Variants in LUC7L3 observed in about 807,000 individuals in gnomAD.
LUC7L3 encodes the protein LUC7 like 3 pre-mRNA splicing factor.
LUC7L3 carries 6 observed loss-of-function variants against 66.8 expected under a neutral mutation model. The ratio of observed to expected loss-of-function variants is 0.09; its 90% CI spans 0.05 to 0.18. The LOEUF (loss-of-function observed/expected upper bound fraction) is 0.18. Among genes scored for constraint, LUC7L3 ranks in the 10% least tolerant of loss-of-function variants. LUC7L3 has a pLI of 1.00. For missense variants in LUC7L3, 341 were observed against 531.1 expected (o/e 0.64, Z 3.52); for synonymous variants, 160 against 174.7 (o/e 0.92, Z 0.66).
chr17:50,737,790 G>A (rs1232539641), intron 2 of LUC7L3, among the ~76,000 whole-genome samples: 1 of 152,186 alleles, frequency 6.6e-6, no homozygotes, highest in Non-Finnish European at 1.5e-5. Flanking sequence ...GACCCCAGGA[G>A]AAGAGAGGGT....
intron 1 of LUC7L3, among the ~76,000 whole-genome samples, chr17:50,720,257 T>A (rs1597877755): frequency 1.3e-5 from 2 of 152,230 alleles, no homozygotes; most frequent in African/African-American, 4.8e-5. Context: ...CGGTATTTTA[T>A]TTAAGTAATT....
intron 1 of LUC7L3, among the ~76,000 whole-genome samples, chr17:50,727,424 C>A (rs539002857): frequency 1.4e-3 from 220 of 152,288 alleles, no homozygotes; most frequent in African/African-American, 5.1e-3. Context: ...CTCTGTTCAA[C>A]AACCAATTTT....
intron 5 of LUC7L3, among the ~76,000 whole-genome samples, chr17:50,743,104 T>G (rs955149172): frequency 6.6e-6 from 1 of 151,744 alleles, no homozygotes; most frequent in Non-Finnish European, 1.5e-5. Flanking sequence ...CTGAAAAGAG[T>G]AGGTGGCTCA....
chr17:50,738,345 C>A, intron 2 of LUC7L3: 1 of 216,552 alleles, frequency 4.6e-6, no homozygotes, highest in South Asian at 5.6e-5. Flanking sequence ...AAATTAGTTG[C>A]TTGCCAAGGA....
intron 6 of LUC7L3, 124 bp from the exon 7 acceptor site, chr17:50,744,528 T>G: frequency 1.2e-6 from 1 of 863,894 alleles, no homozygotes; most frequent in African/African-American, 1.7e-5. Context: ...CCAATATTAC[T>G]GATTTGGGGA....
In LUC7L3 at chr17:50,751,422, G is replaced by A; in HGVS notation, c.*761G>A. On this transcript the variant is annotated 3_prime_UTR_variant, in exon 10 of 10. Transcript: ENST00000505658. ...TCCATGTTTGAATGCTATTGCCTGT[G>A]ATCTTTACGCTTAACTGTTGTGTAT... 7.8e-7 allele frequency: 1 copy of A among 1,287,782 alleles called. No homozygotes were observed. Among genetic ancestry groups the A allele is most frequent in the Middle Eastern group, 2.1e-4 (1 of 4,676 alleles). 79.8% of individuals were successfully genotyped at this position (1,287,782 alleles called of 1,614,324 possible). A position where few individuals can be genotyped will look rare whatever the true frequency, so the allele number is the denominator to read the frequency against.
intron 8 of LUC7L3, 99 bp downstream of exon 8, chr17:50,746,102 C>G (rs986231086): frequency 1.4e-6 from 2 of 1,417,890 alleles, no homozygotes; most frequent in Admixed American, 6.2e-5. Context: ...TTGGGAAGCT[C>G]TTAAGCATCT....
At chr17:50,750,430 C>A in intron 9 of LUC7L3, 71 bp from the exon 10 acceptor site, 1 of 1,449,774 alleles carries the variant, frequency 6.9e-7, no homozygotes, top group Non-Finnish European at 9.4e-7. Context: ...AGTTGTTTCA[C>A]TTTTTTTCAA....
At position 50,752,286 on chromosome 17, in the gene LUC7L3, T is replaced by G; in HGVS notation, c.*1625T>G. The G allele has an allele frequency of 8.8e-7, 1 of 1,137,582 alleles. No individual in the cohort carries two copies. Among genetic ancestry groups the G allele is most frequent in the Non-Finnish European group, 1.2e-6 (1 of 866,884 alleles). 70.5% of individuals were successfully genotyped at this position (1,137,582 alleles called of 1,614,324 possible). ...TAAAAAATGAGGTGAAAGAAAGCTA[T>G]AGTGGCATAGAAAAAGTATAAAGCT... On this transcript the variant is annotated 3_prime_UTR_variant, in exon 10 of 10. Coordinates refer to ENST00000505658, the MANE Select transcript of LUC7L3 (RefSeq NM_016424.5).
intron 1 of LUC7L3, among the ~76,000 whole-genome samples, chr17:50,730,572 T>C (rs564374692): frequency 6.7e-6 from 1 of 148,784 alleles, no homozygotes; most frequent in East Asian, 2.0e-4. Flanking sequence ...ATTGAAAATA[T>C]TTGATTAGCT....
intron 9 of LUC7L3, among the ~76,000 whole-genome samples, chr17:50,749,665 G>A (rs767147526): frequency 2.6e-5 from 4 of 152,120 alleles, no homozygotes; most frequent in Non-Finnish European, 5.9e-5. Context: ...TTCTTAGTAA[G>A]GGGAAAAGTA....
intron 5 of LUC7L3, among the ~76,000 whole-genome samples, chr17:50,742,051 G>A (rs1404086387): frequency 6.6e-6 from 1 of 152,092 alleles, no homozygotes; most frequent in African/African-American, 2.4e-5. Flanking sequence ...ACTCCAGCTT[G>A]GGCAACAGAG....
At position 50,754,909 on chromosome 17, in the gene LUC7L3, G is replaced by A. The variant is rs1017821843; in HGVS notation, c.*4248G>A. ...CTGATTAAAGTTTTCAGACTTGTAA[G>A]AACTGAAAATTTTTATGGTGGAAGT... On this transcript the variant is annotated 3_prime_UTR_variant, in exon 10 of 10. Coordinates refer to ENST00000505658, the MANE Select transcript of LUC7L3 (RefSeq NM_016424.5). 1 of 152,160 alleles carries A rather than the reference G, an allele frequency of 6.6e-6. No individual in the cohort carries two copies. The highest frequency in any genetic ancestry group is 1.5e-5 in the Non-Finnish European group (1 of 68,026). The allele number at this position is 152,160 out of a possible 1,614,324, so 9.4% of individuals were successfully genotyped here. A position where few individuals can be genotyped will look rare whatever the true frequency, so the allele number is the denominator to read the frequency against.
At chr17:50,732,736 CTTTTTCTT>C (rs1373379097) in intron 1 of LUC7L3, among the ~76,000 whole-genome samples, 1 of 152,010 alleles carries the variant, frequency 6.6e-6, no homozygotes, top group African/African-American at 2.4e-5. Flanking sequence ...ACCTCTGGTT[CTTTTTCTT>C]TTTTTCTTTT....
At chr17:50,750,338 A>G (rs1289462018) in intron 9 of LUC7L3, among the ~76,000 whole-genome samples, 163 bp from the exon 10 acceptor site, 2 of 152,090 alleles carry the variant, frequency 1.3e-5, no homozygotes, top group Non-Finnish European at 2.9e-5. Flanking sequence ...CTTCTCTCTC[A>G]TATATTACAA....
At chr17:50,737,097 GA>G (rs567880372) in intron 2 of LUC7L3, 71 bp downstream of exon 2, 191 of 1,011,154 alleles carry the variant, frequency 1.9e-4, no homozygotes, top group Admixed American at 4.4e-4. Flanking sequence ...GTGGTGAAAG[GA>G]AAAAAACTGA....
intron 1 of LUC7L3, among the ~76,000 whole-genome samples, chr17:50,732,856 C>T (rs769216400): frequency 6.6e-6 from 1 of 152,228 alleles, no homozygotes; most frequent in Non-Finnish European, 1.5e-5. Context: ...CCCATCTCAA[C>T]CTCCCAAAGT....
At position 50,730,513 on chromosome 17, in the gene LUC7L3, C is replaced by CAAAAAAA. The variant is rs3063109; in HGVS notation, c.100-6428_100-6422dup. On this transcript the variant is annotated intron_variant, in intron 1 of 9. Transcript: ENST00000505658. ...CTGGGCGACAGTAAGACTCTGTCTCCAAAAAAAAAAAAAAAAAAAAAAAAA... is the reference window on the plus strand; with the variant it reads ...CTGGGCGACAGTAAGACTCTGTCTCCAAAAAAAAAAAAAAAAAAAAAAAAAAAAAAAA... Among the ~76,000 whole-genome samples the CAAAAAAA allele has an allele frequency of 9.6e-4, 57 of 59,090 alleles. 1 individual carries two copies. The highest frequency in any genetic ancestry group is 3.8e-3 in the African/African-American group (50 of 13,256). 38.8% of individuals were successfully genotyped at this position (59,090 alleles called of 152,430 possible).
chr17:50,731,822 G>A (rs1215728213), intron 1 of LUC7L3, among the ~76,000 whole-genome samples: 4 of 152,148 alleles, frequency 2.6e-5, no homozygotes, highest in African/African-American at 4.8e-5. Context: ...CCCACAGACA[G>A]GCATGTGTTA....
Sources: gnomAD v4.1 joint callset for allele counts (sites outside exome capture counted in the v4.1 genomes callset) on GRCh38, gnomAD v4.1.1 for gene constraint, MANE v1.5 for transcripts, NCBI Gene and HGNC (gene_info 2026-07-23, HGNC 2026-07-21) for gene names.